SEPTIN7: variants seen among roughly 807,000 people sequenced by gnomAD.
SEPTIN7 encodes the protein septin-7.
SEPTIN7 carries 10 observed loss-of-function variants against 63.3 expected under a neutral mutation model. That is an observed-to-expected ratio of 0.16 (90% CI 0.10 to 0.27). The LOEUF (loss-of-function observed/expected upper bound fraction) is 0.27, where lower values mean the gene tolerates loss of function less well. SEPTIN7 is among the 10% of genes least tolerant of loss of function. The probability of loss-of-function intolerance (pLI) is 1.00; values close to 1 mark genes in which losing one functional copy is unlikely to be tolerated. For missense variants in SEPTIN7, 310 were observed against 521.0 expected, an observed-to-expected ratio of 0.59 and a Z score of 3.94; for synonymous variants, 131 against 165.3, an observed-to-expected ratio of 0.79 and a Z score of 1.59.
In SEPTIN7 at chr7:35,820,467, C is replaced by T. The variant is rs373743283; in HGVS notation, c.62-11025C>T. 5.3e-5 allele frequency among the ~76,000 whole-genome samples: 8 copies of T among 151,952 alleles called. No individual in the cohort carries two copies. The East Asian group carries it at 1.2e-3, about 22-fold the overall frequency. ...CTTAAATTGGTTAATGTTATTTAAC[C>T]CATTTTCAGGTTTGGTGATTCTTTT... On this transcript the variant is annotated intron_variant, in intron 1 of 13. Transcript: ENST00000350320.
intron 11 of SEPTIN7, among the ~76,000 whole-genome samples, chr7:35,895,139 A>G (rs1787883906): frequency 6.6e-6 from 1 of 152,204 alleles, no homozygotes; most frequent in South Asian, 2.1e-4. Flanking sequence ...TCCTATTAAA[A>G]AGCAGGCAGG....
At chr7:35,897,765 C>G (rs186184524) in intron 11 of SEPTIN7, among the ~76,000 whole-genome samples, 1 of 152,124 alleles carries the variant, frequency 6.6e-6, no homozygotes, top group Non-Finnish European at 1.5e-5. Flanking sequence ...TAGTTGTTTC[C>G]AACGTATCAG....
intron 10 of SEPTIN7, among the ~76,000 whole-genome samples, chr7:35,886,710 C>A (rs1298107191): frequency 6.6e-6 from 1 of 152,148 alleles, no homozygotes; most frequent in African/African-American, 2.4e-5. Flanking sequence ...AATTTTCATA[C>A]CTCTACCCAC....
chr7:35,882,699 A>T, intron 8 of SEPTIN7, 123 bp downstream of exon 8: 2 of 871,898 alleles, frequency 2.3e-6, no homozygotes, highest in Non-Finnish European at 3.0e-6. Context: ...ACCTAGGGAG[A>T]TTTAATGTTG....
At chr7:35,909,983 T>C (rs1255886255), downstream of SEPTIN7, among the ~76,000 whole-genome samples, 3 of 152,192 alleles carry the variant, frequency 2.0e-5, no homozygotes, top group Admixed American at 6.5e-5. Flanking sequence ...TCAATGGGGC[T>C]GGGGGATCTG....
At chr7:35,862,366 C>T (rs1785554032) in intron 3 of SEPTIN7, among the ~76,000 whole-genome samples, 1 of 152,008 alleles carries the variant, frequency 6.6e-6, no homozygotes, top group Non-Finnish European at 1.5e-5. Flanking sequence ...AATTAGCATA[C>T]TTTTGTTTTT....
In SEPTIN7 at chr7:35,896,976, C is replaced by T. The variant is rs1185387297; in HGVS notation, c.999-1272C>T. Among the ~76,000 whole-genome samples the T allele has an allele frequency of 4.6e-5, 7 of 152,060 alleles. No individual in the cohort carries two copies. The East Asian group carries it at 1.2e-3, about 25-fold the overall frequency. ...TAACATTTTCTATCTAGCTCTTTTG[C>T]CTGCTTCCCTGTTAGAAAAGAAAAT... is the stretch of plus-strand genomic sequence containing the variant. On this transcript the variant is annotated intron_variant, in intron 11 of 13. Transcript: ENST00000350320.
At chr7:35,872,536 G>A in intron 4 of SEPTIN7, 130 bp from the exon 5 acceptor site, 1 of 673,386 alleles carries the variant, frequency 1.5e-6, no homozygotes, top group Non-Finnish European at 2.7e-6. Flanking sequence ...TAATGTGGTA[G>A]TAGGTAGATT....
intron 8 of SEPTIN7, among the ~76,000 whole-genome samples, 199 bp from the exon 9 acceptor site, chr7:35,883,692 A>G (rs1787046228): frequency 6.6e-6 from 1 of 151,850 alleles, no homozygotes; most frequent in Non-Finnish European, 1.5e-5. Flanking sequence ...AATTTTATTT[A>G]TTGTTTACCT....
At chr7:35,841,286 A>G (rs1443849797) in intron 3 of SEPTIN7, among the ~76,000 whole-genome samples, 1 of 152,192 alleles carries the variant, frequency 6.6e-6, no homozygotes, top group Non-Finnish European at 1.5e-5. Flanking sequence ...CATATGTAAG[A>G]AATGTAATCT....
At chr7:35,820,755 G>GT (rs542304813) in intron 1 of SEPTIN7, among the ~76,000 whole-genome samples, 132 of 151,714 alleles carry the variant, frequency 8.7e-4, no homozygotes, top group African/African-American at 1.3e-3. Flanking sequence ...GCAGTTTTGA[G>GT]TTTTTTTTGC....
At chr7:35,834,007 C>T (rs971440642) in intron 3 of SEPTIN7, among the ~76,000 whole-genome samples, 3 of 151,924 alleles carry the variant, frequency 2.0e-5, no homozygotes, top group African/African-American at 7.2e-5. Flanking sequence ...GTCTATGTAT[C>T]TCTTGTTGAG....
chr7:35,840,402 G>A (rs1203558795), intron 3 of SEPTIN7, among the ~76,000 whole-genome samples: 1 of 150,094 alleles, frequency 6.7e-6, no homozygotes, highest in Admixed American at 6.6e-5. Flanking sequence ...GGGACTACAG[G>A]CACACACCAC....
chr7:35,829,891 A>G (rs1783739443), intron 1 of SEPTIN7, among the ~76,000 whole-genome samples: 1 of 152,122 alleles, frequency 6.6e-6, no homozygotes, highest in South Asian at 2.1e-4. Flanking sequence ...CATTTGAGTA[A>G]TAAAAATAAT....
intron 1 of SEPTIN7, among the ~76,000 whole-genome samples, chr7:35,817,721 T>G (rs1789165282): frequency 6.6e-6 from 1 of 152,078 alleles, no homozygotes; most frequent in African/African-American, 2.4e-5. Context: ...GAACAACATT[T>G]TTATAGTTCT....
intron 3 of SEPTIN7, among the ~76,000 whole-genome samples, chr7:35,858,861 G>C (rs977723216): frequency 6.6e-6 from 1 of 151,424 alleles, no homozygotes; most frequent in African/African-American, 2.4e-5. Context: ...TGTATTTTTA[G>C]TAGAGACGGG....
intron 1 of SEPTIN7, among the ~76,000 whole-genome samples, chr7:35,820,314 A>T (rs1334100506): frequency 6.6e-6 from 1 of 151,956 alleles, no homozygotes; most frequent in African/African-American, 2.4e-5. Flanking sequence ...GGAAGTTTTC[A>T]GTTCTGTTTC....
intron 10 of SEPTIN7, among the ~76,000 whole-genome samples, chr7:35,890,178 A>G (rs1787546906): frequency 6.6e-6 from 1 of 152,220 alleles, no homozygotes; most frequent in Non-Finnish European, 1.5e-5. Flanking sequence ...AGACAGTTTG[A>G]AGAAACAGAA....
Position 35,819,477 on chromosome 7 carries a change from G to T in SEPTIN7, c.62-12015G>T, listed in dbSNP as rs1252258540. Among the ~76,000 whole-genome samples the T allele has an allele frequency of 2.0e-5, 3 of 152,080 alleles. No homozygotes were observed. The East Asian group carries it at 5.8e-4, about 29-fold the overall frequency. Reference sequence around the variant, plus strand: ...TTAGGTCTAGTTGGTTTATAGTGTTGTTGAGTCTTCTGCTTCTTTATCATC... The same window carrying T: ...TTAGGTCTAGTTGGTTTATAGTGTTTTTGAGTCTTCTGCTTCTTTATCATC... On this transcript the variant is annotated intron_variant, in intron 1 of 13. Transcript: ENST00000350320.
Sources: gnomAD v4.1 joint callset for allele counts (sites outside exome capture counted in the v4.1 genomes callset) on GRCh38, gnomAD v4.1.1 for gene constraint, MANE v1.5 for transcripts, NCBI Gene and HGNC (gene_info 2026-07-23, HGNC 2026-07-21) for gene names.